The following DPYSL2 variants were observed in gnomAD, a reference collection of about 807,000 sequenced individuals.
DPYSL2 encodes the protein dihydropyrimidinase-related protein 2.
DPYSL2 carries 13 observed loss-of-function variants against 69.9 expected under a neutral mutation model. The observed-to-expected ratio is 0.19, with a 90% CI of 0.12 to 0.30. DPYSL2 has a LOEUF of 0.30. Ranked by LOEUF, DPYSL2 falls within the 10% of genes least tolerant of loss-of-function variation. The probability of loss-of-function intolerance (pLI) is 1.00; values close to 1 mark genes in which losing one functional copy is unlikely to be tolerated. For synonymous variants in DPYSL2, 326 were observed against 359.1 expected (o/e 0.91, Z 1.04); for missense variants, 587 against 918.9 (o/e 0.64, Z 4.67).
rs142811435 is a variant in DPYSL2 at position 26,647,537 on chromosome 8, T to G, written c.1426-93T>G. 4.9e-4 allele frequency: 666 copies of G among 1,349,526 alleles called. 7 individuals are homozygous for G. In the African/African-American group the frequency reaches 8.1e-3, roughly 16 times the overall value. 83.6% of individuals were successfully genotyped at this position (1,349,526 alleles called of 1,614,324 possible). A position where few individuals can be genotyped will look rare whatever the true frequency, so the allele number is the denominator to read the frequency against. ...CAACGCTCTTGACATCCATCTAAGC[T>G]GTCGTGTGTATCAATAGTTTGTTAT... On this transcript the variant is annotated intron_variant, in intron 10 of 13. Transcript: ENST00000521913. This position sits in a 1 kb window ranked among gnomAD's most constrained non-coding sequence, Gnocchi z 5.1.
intron 3 of DPYSL2, among the ~76,000 whole-genome samples, chr8:26,595,004 G>A (rs371467508): frequency 6.6e-6 from 1 of 151,988 alleles, no homozygotes; most frequent in African/African-American, 2.4e-5. Flanking sequence ...GGGCAGCAAA[G>A]TGAAGCCTTG....
At chr8:26,622,081 CTTTCTTTCT>C (rs1802493450) in intron 3 of DPYSL2, among the ~76,000 whole-genome samples, 1 of 131,560 alleles carries the variant, frequency 7.6e-6, no homozygotes, top group Admixed American at 7.7e-5. Flanking sequence ...TTTTTTCTTT[CTTTCTTTCT>C]TTCCTTCCTT....
rs1470545736 is a variant in DPYSL2, at chr8:26,605,807, A to T, written c.629-18336A>T. Among the ~76,000 whole-genome samples the T allele has an allele frequency of 6.6e-6, 1 of 152,214 alleles. No individual in the cohort carries two copies. Among genetic ancestry groups the T allele is most frequent in the African/African-American group, 2.4e-5 (1 of 41,454 alleles). ...ATATATGGAATCCAAGAAGAGTCTT[A>T]AATAAATTAAAAGAAATGCTATGTT... On this transcript the variant is annotated intron_variant, in intron 3 of 13. Coordinates refer to ENST00000521913, the MANE Select transcript of DPYSL2 (RefSeq NM_001197293.3). This position sits in a 1 kb window ranked among gnomAD's most constrained non-coding sequence, Gnocchi z 4.1.
Position 26,582,231 on chromosome 8 carries a change from T to C in DPYSL2, c.443+174T>C, listed in dbSNP as rs908382785. On this transcript the variant is annotated intron_variant, in intron 2 of 13. Coordinates refer to ENST00000521913, the MANE Select transcript of DPYSL2 (RefSeq NM_001197293.3). This position sits in a 1 kb window ranked among gnomAD's most constrained non-coding sequence, Gnocchi z 4.1. ...TAATTAGTGAATTTGAAAACTCAAA[T>C]TTAGGGAATTCAAAGCAACAATTAA... 1.3e-5 allele frequency among the ~76,000 whole-genome samples: 2 copies of C among 152,206 alleles called. No homozygotes were observed. Among genetic ancestry groups the C allele is most frequent in the African/African-American group, 4.8e-5 (2 of 41,452 alleles).
At chr8:26,625,738 T>C (rs1357671020) in intron 4 of DPYSL2, among the ~76,000 whole-genome samples, 1 of 152,256 alleles carries the variant, frequency 6.6e-6, no homozygotes, top group African/African-American at 2.4e-5. Flanking sequence ...CAGTTCTTCA[T>C]AGGCAGAAAC....
At position 26,556,191 on chromosome 8, in the gene DPYSL2, A is replaced by AG. The variant is rs1563385024; in HGVS notation, c.355-25778_355-25777insG. Among the ~76,000 whole-genome samples, 14 of 13,384 alleles carry AG rather than the reference A, an allele frequency of 1.0e-3. 1 individual carries two copies. The highest frequency in any genetic ancestry group is 2.1e-3 in the South Asian group (1 of 470). 8.8% of individuals were successfully genotyped at this position (13,384 alleles called of 152,430 possible). A position where few individuals can be genotyped will look rare whatever the true frequency, so the allele number is the denominator to read the frequency against. ...ACTATATATAGTATATACTATATAT[A>AG]TTATATATACTATATATATACTATA... On this transcript the variant is annotated intron_variant, in intron 1 of 13. Coordinates refer to ENST00000521913, the MANE Select transcript of DPYSL2 (RefSeq NM_001197293.3).
Position 26,655,667 on chromosome 8 carries a change from GC to G in DPYSL2, c.2001del (p.Gly668ValfsTer121). 3.7e-6 allele frequency: 6 copies of G among 1,608,576 alleles called. No individual in the cohort carries two copies. The highest frequency in any genetic ancestry group is 2.5e-6 in the Non-Finnish European group (3 of 1,179,060). On this transcript the variant is annotated frameshift_variant, in exon 14 of 14. Coordinates refer to ENST00000521913, the MANE Select transcript of DPYSL2 (RefSeq NM_001197293.3). LOFTEE classifies it high-confidence loss of function. ...GCCGCACCACCCAGCGTATCGTGGCGCCCCCCGGTGGCCGTGCCAACATCAC... is the reference window on the plus strand; with the variant it reads ...GCCGCACCACCCAGCGTATCGTGGCGCCCCCGGTGGCCGTGCCAACATCAC... Reference protein sequence around the residue: ...PRRTTQRIVAPPGGRANITSL... With the variant: ...PRRTTQRIVAXPGGRANITSL...
chr8:26,532,995 G>T (rs920881703), intron 1 of DPYSL2, among the ~76,000 whole-genome samples: 3 of 152,164 alleles, frequency 2.0e-5, no homozygotes, highest in African/African-American at 7.2e-5. Flanking sequence ...GTGTATGAGG[G>T]TTAGTGTATG....
At chr8:26,603,930 A>G (rs968537689) in intron 3 of DPYSL2, among the ~76,000 whole-genome samples, 1 of 152,198 alleles carries the variant, frequency 6.6e-6, no homozygotes, top group East Asian at 1.9e-4. Flanking sequence ...ATTGTAAATA[A>G]TGCTGCTATG....
intron 1 of DPYSL2, among the ~76,000 whole-genome samples, chr8:26,535,948 G>C (rs570602151): frequency 1.3e-5 from 2 of 149,374 alleles, no homozygotes; most frequent in African/African-American, 5.0e-5. Flanking sequence ...TTGAGATGGG[G>C]TCTCACTCTG....
chr8:26,655,160 T>C (rs1803356195), intron 13 of DPYSL2, among the ~76,000 whole-genome samples: 1 of 151,678 alleles, frequency 6.6e-6, no homozygotes, highest in Admixed American at 6.6e-5. Flanking sequence ...GCTCTCCACC[T>C]CCCTTCTGTA....
At chr8:26,594,548 C>T (rs1207601879) in intron 3 of DPYSL2, among the ~76,000 whole-genome samples, 1 of 152,140 alleles carries the variant, frequency 6.6e-6, no homozygotes, top group African/African-American at 2.4e-5. Context: ...GATATGACAT[C>T]TGTCTGTACC....
Position 26,516,261 on chromosome 8 carries a change from A to G in DPYSL2, c.354+1582A>G, listed in dbSNP as rs1363757440. ...TTCCAAGTGATCAGACAATTGAAGT[A>G]AAAGTTTCTAATAATGTAACTTATA... is the stretch of plus-strand genomic sequence containing the variant. On this transcript the variant is annotated intron_variant, in intron 1 of 13. Coordinates refer to ENST00000521913, the MANE Select transcript of DPYSL2 (RefSeq NM_001197293.3). The surrounding 1 kb of genome is among the most constrained non-coding windows in gnomAD (Gnocchi z 4.8). 2.0e-5 allele frequency among the ~76,000 whole-genome samples: 3 copies of G among 152,240 alleles called. No individual in the cohort carries two copies. The highest frequency in any genetic ancestry group is 7.2e-5 in the African/African-American group (3 of 41,450).
At chr8:26,590,984 C>T (rs550608956) in intron 3 of DPYSL2, among the ~76,000 whole-genome samples, 9 of 152,344 alleles carry the variant, frequency 5.9e-5, no homozygotes, top group East Asian at 5.8e-4. Flanking sequence ...GACTCTGTTT[C>T]GTGGACATTG....
In DPYSL2 at chr8:26,614,849, T is replaced by C. The variant is rs1021776576; in HGVS notation, c.629-9294T>C. On this transcript the variant is annotated intron_variant, in intron 3 of 13. Transcript: ENST00000521913. This position sits in a 1 kb window ranked among gnomAD's most constrained non-coding sequence, Gnocchi z 4.9. ...CCACCCTTAGGCTAAGGACACGGTT[T>C]TCCTATCTGTTTATTGAATTGGGTC... Among the ~76,000 whole-genome samples the C allele has an allele frequency of 3.3e-5, 5 of 152,234 alleles. No homozygotes were observed. Among genetic ancestry groups the C allele is most frequent in the African/African-American group, 4.8e-5 (2 of 41,466 alleles).
intron 1 of DPYSL2, among the ~76,000 whole-genome samples, chr8:26,544,526 C>G (rs1287549371): frequency 6.6e-6 from 1 of 152,214 alleles, no homozygotes; most frequent in Non-Finnish European, 1.5e-5. Context: ...AGTTCGTCTA[C>G]TATATACACA....
intron 3 of DPYSL2, among the ~76,000 whole-genome samples, chr8:26,611,855 G>C (rs6557928): frequency 0.1 from 15,259 of 152,242 alleles, 886 homozygotes; most frequent in Non-Finnish European, 0.12. Flanking sequence ...GGACTCAGGC[G>C]CCTGGGGCTG....
intron 1 of DPYSL2, among the ~76,000 whole-genome samples, chr8:26,520,221 G>A (rs1808363650): frequency 6.6e-6 from 1 of 152,170 alleles, no homozygotes; most frequent in South Asian, 2.1e-4. Context: ...ATGTGCAACT[G>A]TGAGTCCATT....
chr8:26,528,960 C>T (rs953698669), intron 1 of DPYSL2, among the ~76,000 whole-genome samples: 1 of 151,962 alleles, frequency 6.6e-6, no homozygotes, highest in Non-Finnish European at 1.5e-5. Context: ...GGATATTGGC[C>T]CTGAGTTTAA....
Sources: gnomAD v4.1 joint callset for allele counts (sites outside exome capture counted in the v4.1 genomes callset) on GRCh38, gnomAD v4.1.1 for gene constraint, Gnocchi (gnomAD v3.1) non-coding constraint, MANE v1.5 for transcripts, NCBI Gene and HGNC (gene_info 2026-07-23, HGNC 2026-07-21) for gene names.